Variants in GRIK1 observed in about 807,000 individuals in gnomAD.
GRIK1 encodes glutamate receptor ionotropic, kainate 1.
A neutral mutation model predicts 105.7 loss-of-function variants in GRIK1; 69 were observed. The ratio of observed to expected loss-of-function variants is 0.65; its 90% CI spans 0.54 to 0.80. The LOEUF is 0.80. Among genes scored for constraint, GRIK1 ranks in the 30% least tolerant of loss-of-function variants. GRIK1 has a pLI of 0.00. For synonymous variants in GRIK1, 438 were observed against 431.3 expected (o/e 1.02, Z -0.19); for missense variants, 1,109 against 1,167.3 (o/e 0.95, Z 0.73).
At chr21:29,915,191 C>T (rs1405655270) in intron 1 of GRIK1, among the ~76,000 whole-genome samples, 1 of 151,904 alleles carries the variant, frequency 6.6e-6, no homozygotes, top group East Asian at 1.9e-4. Context: ...CAGACACACA[C>T]ACACACACAC....
At chr21:29,929,082 C>G (rs1338233428) in intron 1 of GRIK1, among the ~76,000 whole-genome samples, 1 of 152,042 alleles carries the variant, frequency 6.6e-6, no homozygotes, top group African/African-American at 2.4e-5. Context: ...CAGTTCATCC[C>G]AATGACAATA....
intron 1 of GRIK1, among the ~76,000 whole-genome samples, chr21:29,777,597 G>C (rs2065979150): frequency 6.6e-6 from 1 of 152,148 alleles, no homozygotes; most frequent in Admixed American, 6.5e-5. Context: ...AGAGTGTTAA[G>C]GACATAGGTG....
At chr21:29,759,489 C>G (rs1333119801) in intron 1 of GRIK1, among the ~76,000 whole-genome samples, 1 of 152,148 alleles carries the variant, frequency 6.6e-6, no homozygotes, top group Non-Finnish European at 1.5e-5. Context: ...TTATATGAAA[C>G]ACCTGGTGAA....
chr21:29,873,621 A>C (rs967692997), intron 1 of GRIK1, among the ~76,000 whole-genome samples: 9 of 152,242 alleles, frequency 5.9e-5, no homozygotes, highest in African/African-American at 2.2e-4. Flanking sequence ...ATTGGTCACA[A>C]GGACCTTTTT....
At chr21:29,565,474 C>G (rs193152597) in intron 14 of GRIK1, among the ~76,000 whole-genome samples, 399 of 152,274 alleles carry the variant, frequency 2.6e-3, no homozygotes, top group African/African-American at 9.2e-3. Flanking sequence ...CTCTTGTTCC[C>G]CAGGTTAGAG....
At chr21:29,787,350 G>A (rs2066285460) in intron 1 of GRIK1, among the ~76,000 whole-genome samples, 1 of 152,130 alleles carries the variant, frequency 6.6e-6, no homozygotes, top group Admixed American at 6.5e-5. Flanking sequence ...GGAGTGATTT[G>A]GGGGCTCAAG....
intron 1 of GRIK1, among the ~76,000 whole-genome samples, chr21:29,710,397 G>C (rs1382409768): frequency 3.1e-5 from 4 of 130,516 alleles, no homozygotes; most frequent in African/African-American, 1.5e-4. Context: ...AAATGTAAAG[G>C]ATAGTTTTCT....
intron 7 of GRIK1, among the ~76,000 whole-genome samples, chr21:29,622,791 T>C (rs527911698): frequency 1.3e-5 from 2 of 152,344 alleles, no homozygotes; most frequent in Non-Finnish European, 2.9e-5. Context: ...ATAGGTCACT[T>C]GCACAAGATT....
intron 1 of GRIK1, among the ~76,000 whole-genome samples, chr21:29,753,862 A>AAT (rs546143535): frequency 1.1e-4 from 16 of 152,122 alleles, no homozygotes; most frequent in African/African-American, 3.4e-4. Flanking sequence ...GCCCTTGTAT[A>AAT]ATATATATAT....
At chr21:29,572,314 G>A (rs997957770) in intron 14 of GRIK1, among the ~76,000 whole-genome samples, 4 of 151,978 alleles carry the variant, frequency 2.6e-5, no homozygotes, top group Non-Finnish European at 5.9e-5. Flanking sequence ...ATTTCTTCTC[G>A]GTAAACTGGG....
At chr21:29,929,759 G>C (rs755211319) in intron 1 of GRIK1, among the ~76,000 whole-genome samples, 2 of 152,140 alleles carry the variant, frequency 1.3e-5, no homozygotes, top group Non-Finnish European at 2.9e-5. Flanking sequence ...ACAGTATGTA[G>C]GTTGCTTAAA....
chr21:29,644,387 C>T (rs1376987558), intron 6 of GRIK1, among the ~76,000 whole-genome samples: 2 of 152,142 alleles, frequency 1.3e-5, no homozygotes, highest in Non-Finnish European at 2.9e-5. Flanking sequence ...GTTCCTGACA[C>T]AGAAAAGTTG....
intron 1 of GRIK1, among the ~76,000 whole-genome samples, chr21:29,858,137 G>A (rs2068520556): frequency 6.6e-6 from 1 of 152,096 alleles, no homozygotes. Flanking sequence ...GGCCCCAAGT[G>A]ATCTGCCCAC....
chr21:29,692,307 A>G (rs1053304019), intron 2 of GRIK1, among the ~76,000 whole-genome samples: 4 of 152,174 alleles, frequency 2.6e-5, no homozygotes, highest in African/African-American at 7.2e-5. Context: ...CACAATGTGT[A>G]GGAGTGTTAG....
intron 1 of GRIK1, among the ~76,000 whole-genome samples, chr21:29,797,924 C>A (rs1363499402): frequency 2.0e-5 from 3 of 152,182 alleles, no homozygotes; most frequent in Non-Finnish European, 2.9e-5. Flanking sequence ...TGAAATTCAG[C>A]TCTTTCTTCA....
chr21:29,650,808 C>A (rs1403229590), intron 6 of GRIK1, among the ~76,000 whole-genome samples: 3 of 152,182 alleles, frequency 2.0e-5, no homozygotes, highest in Non-Finnish European at 4.4e-5. Flanking sequence ...CACCAGCCAC[C>A]TTCCCCACAG....
intron 1 of GRIK1, among the ~76,000 whole-genome samples, chr21:29,782,002 C>T (rs1410057000): frequency 6.6e-6 from 1 of 151,894 alleles, no homozygotes; most frequent in Non-Finnish European, 1.5e-5. Flanking sequence ...GCCTATTGTG[C>T]CCTGGTTCCA....
chr21:29,659,934 C>G (rs145217500), intron 4 of GRIK1, among the ~76,000 whole-genome samples: 19 of 152,088 alleles, frequency 1.2e-4, no homozygotes, highest in African/African-American at 4.3e-4. Flanking sequence ...TGCACTCCAG[C>G]CTGGGCAACA....
intron 1 of GRIK1, among the ~76,000 whole-genome samples, chr21:29,876,112 A>ATGTGTGTGTGTGTGTGTG (rs1555903193): frequency 7.4e-5 from 11 of 149,092 alleles, no homozygotes; most frequent in African/African-American, 2.7e-4. Flanking sequence ...GGAGATAGAT[A>ATGTGTGTGTGTGTGTGTG]TGTGTGTGTG....
Sources: gnomAD v4.1 joint callset for allele counts (sites outside exome capture counted in the v4.1 genomes callset) on GRCh38, gnomAD v4.1.1 for gene constraint, MANE v1.5 for transcripts, NCBI Gene and HGNC (gene_info 2026-07-23, HGNC 2026-07-21) for gene names.